REPS2: variants seen among roughly 807,000 people sequenced by gnomAD.
The protein encoded by REPS2 is ralBP1-associated Eps domain-containing protein 2.
A neutral mutation model predicts 53.6 loss-of-function variants in REPS2; 23 were observed. The observed-to-expected ratio is 0.43, with a 90% CI of 0.31 to 0.61. REPS2 has a LOEUF of 0.61. Ranked by LOEUF, REPS2 falls within the 20% of genes least tolerant of loss-of-function variation. REPS2 has a pLI of 0.11. For missense variants in REPS2, 446 were observed against 534.9 expected (o/e 0.83, Z 1.64); for synonymous variants, 238 against 218.6 (o/e 1.09, Z -0.78).
intron 13 of REPS2, among the ~76,000 whole-genome samples, chrX:17,082,155 C>T: frequency 8.9e-6 from 1 of 112,145 alleles, no homozygotes; most frequent in Non-Finnish European, 1.9e-5. Flanking sequence ...CTGAGGTTTC[C>T]ATGGTGACAG....
intron 14 of REPS2, among the ~76,000 whole-genome samples, chrX:17,121,853 T>G (rs1324097480): frequency 9.0e-6 from 1 of 111,141 alleles, no homozygotes; most frequent in Non-Finnish European, 1.9e-5. Context: ...CGGGTTCAAG[T>G]AATTTTCCTG....
At chrX:16,969,599 G>A (rs1056803585) in intron 1 of REPS2, among the ~76,000 whole-genome samples, 14 of 110,830 alleles carry the variant, frequency 1.3e-4, no homozygotes, top group African/African-American at 3.9e-4. Context: ...GGCGGCGCGC[G>A]CCTGCAATTG....
intron 13 of REPS2, among the ~76,000 whole-genome samples, chrX:17,093,194 ATATATAAT>A (rs201746457): frequency 0.33 from 14,334 of 42,914 alleles, 2,065 homozygotes; most frequent in East Asian, 0.45. Context: ...ATATATATAT[ATATATAAT>A]TTTTTTTTTG....
At chrX:17,056,706 T>G (rs1260023924) in intron 8 of REPS2, among the ~76,000 whole-genome samples, 1 of 102,165 alleles carries the variant, frequency 9.8e-6, no homozygotes, top group African/African-American at 3.6e-5. Context: ...AAAAAAAAAG[T>G]CAAAAAATTA....
chrX:17,178,079 C>T, the REPS2 span, among the ~76,000 whole-genome samples: 1 of 111,565 alleles, frequency 9.0e-6, no homozygotes, highest in South Asian at 3.8e-4. Context: ...GTAGTAAACC[C>T]CCAAAGTAGA....
chrX:16,975,478 GT>G (rs1348713663), intron 1 of REPS2, among the ~76,000 whole-genome samples: 1 of 109,107 alleles, frequency 9.2e-6, no homozygotes, highest in South Asian at 3.9e-4. Flanking sequence ...TGATGTTGTG[GT>G]TTTTTTTTCA....
At chrX:17,128,860 A>T (rs2063254751) in intron 14 of REPS2, among the ~76,000 whole-genome samples, 2 of 112,297 alleles carry the variant, frequency 1.8e-5, no homozygotes, top group African/African-American at 6.5e-5. Flanking sequence ...AGGAAGTATT[A>T]ATATTACAAT....
chrX:17,124,570 C>T (rs2063182540), intron 14 of REPS2, among the ~76,000 whole-genome samples: 1 of 111,395 alleles, frequency 9.0e-6, no homozygotes, highest in Non-Finnish European at 1.9e-5. Context: ...AAATGGCTTT[C>T]TGTTGTGTTC....
At chrX:17,009,463 G>A (rs2061403600) in intron 2 of REPS2, among the ~76,000 whole-genome samples, 1 of 110,629 alleles carries the variant, frequency 9.0e-6, no homozygotes, top group Non-Finnish European at 1.9e-5. Context: ...GCCTCACTCT[G>A]TCACCCAGGC....
At chrX:17,104,910 A>C (rs189309353) in intron 14 of REPS2, among the ~76,000 whole-genome samples, 1 of 111,695 alleles carries the variant, frequency 9.0e-6, no homozygotes, top group Non-Finnish European at 1.9e-5. Flanking sequence ...TTCTCATTCA[A>C]ATTATTAGCT....
At chrX:17,082,622 C>G (rs1393264614) in intron 13 of REPS2, among the ~76,000 whole-genome samples, 1 of 112,262 alleles carries the variant, frequency 8.9e-6, no homozygotes, top group Non-Finnish European at 1.9e-5. Flanking sequence ...TACATCCATC[C>G]TATGGAATTG....
chrX:16,947,161 C>T, intron 1 of REPS2, 27 bp downstream of exon 1: 1 of 1,032,919 alleles, frequency 9.7e-7, no homozygotes, highest in Non-Finnish European at 1.2e-6. Context: ...CCTGTCCCTG[C>T]GGGTCTGTGG....
At chrX:16,986,370 G>A (rs1437359194) in intron 1 of REPS2, among the ~76,000 whole-genome samples, 1 of 111,905 alleles carries the variant, frequency 8.9e-6, no homozygotes, top group East Asian at 2.8e-4. Context: ...GTGCTCTTTG[G>A]AAGTTTCCCA....
At chrX:17,109,828 ACT>A (rs893367061) in intron 14 of REPS2, among the ~76,000 whole-genome samples, 1 of 112,244 alleles carries the variant, frequency 8.9e-6, no homozygotes, top group African/African-American at 3.2e-5. Flanking sequence ...CAGTCATGCT[ACT>A]CTTTTTCAAA....
chrX:17,169,246 A>T, the REPS2 span, among the ~76,000 whole-genome samples: 166 of 112,539 alleles, frequency 1.5e-3, no homozygotes, highest in Middle Eastern at 4.6e-3. Flanking sequence ...ATGGTTTGCT[A>T]TGCAAGGAAA....
At chrX:17,109,281 G>A (rs922356868) in intron 14 of REPS2, among the ~76,000 whole-genome samples, 2 of 111,144 alleles carry the variant, frequency 1.8e-5, no homozygotes, top group Non-Finnish European at 3.8e-5. Context: ...AACGTGCTGA[G>A]GCCTGGAGCC....
rs916172064 is a variant in REPS2 at position 17,083,498 on chromosome X, G to C, written c.1516+6091G>C. Among the ~76,000 whole-genome samples, 9 of 111,760 alleles carry C rather than the reference G, an allele frequency of 8.1e-5. 1 individual carries two copies. Among genetic ancestry groups the C allele is most frequent in the Non-Finnish European group, 1.5e-4 (8 of 53,185 alleles). ...AGATTACATTGTGAGATGTATAGTT[G>C]GGTAAAACGTCATGGTAAGGGCTCT... On this transcript the variant is annotated intron_variant, in intron 13 of 17. Coordinates refer to ENST00000357277, the MANE Select transcript of REPS2 (RefSeq NM_004726.3).
chrX:17,123,703 G>C (rs1317712983), intron 14 of REPS2, among the ~76,000 whole-genome samples: 1 of 112,593 alleles, frequency 8.9e-6, no homozygotes, highest in African/African-American at 3.2e-5. Flanking sequence ...AAACATGAAA[G>C]TCTGACCGGG....
intron 13 of REPS2, among the ~76,000 whole-genome samples, chrX:17,095,091 CTTAGT>C (rs759024651): frequency 2.6e-4 from 29 of 112,039 alleles, no homozygotes; most frequent in East Asian, 1.9e-3. Context: ...TCTGGTAATA[CTTAGT>C]CATCCACTTA....
Sources: gnomAD v4.1 joint callset for allele counts (sites outside exome capture counted in the v4.1 genomes callset) on GRCh38, gnomAD v4.1.1 for gene constraint, MANE v1.5 for transcripts, NCBI Gene and HGNC (gene_info 2026-07-23, HGNC 2026-07-21) for gene names.